GRM1: variants seen among roughly 807,000 people sequenced by gnomAD.
GRM1 encodes metabotropic glutamate receptor 1.
GRM1 carries 33 observed loss-of-function variants against 90.9 expected under a neutral mutation model. The observed-to-expected ratio is 0.36, with a 90% confidence interval of 0.28 to 0.49. The LOEUF (loss-of-function observed/expected upper bound fraction) is 0.49. Ranked by LOEUF, GRM1 falls within the 20% of genes least tolerant of loss-of-function variation. The pLI is 0.99. For synonymous variants in GRM1, 700 were observed against 613.2 expected, an observed-to-expected ratio of 1.14 and a Z score of -2.09; for missense variants, 1,190 against 1,534.3, an observed-to-expected ratio of 0.78 and a Z score of 3.75.
chr6:146,097,042 T>C (rs1776897193), intron 1 of GRM1, among the ~76,000 whole-genome samples: 1 of 152,074 alleles, frequency 6.6e-6, no homozygotes, highest in Non-Finnish European at 1.5e-5. Context: ...AATAAAAGAT[T>C]TGGGTTAAAA....
At chr6:146,423,465 ATTTT>A (rs3065806) in intron 7 of GRM1, among the ~76,000 whole-genome samples, 1 of 145,256 alleles carries the variant, frequency 6.9e-6, no homozygotes, top group Non-Finnish European at 1.5e-5. Flanking sequence ...GAGATGCTCT[ATTTT>A]TTTTTTTTTT....
intron 1 of GRM1, among the ~76,000 whole-genome samples, chr6:146,138,275 T>C (rs1776702783): frequency 6.6e-6 from 1 of 152,204 alleles, no homozygotes; most frequent in African/African-American, 2.4e-5. Flanking sequence ...CCCATCAGTA[T>C]GATACTAGAT....
intron 1 of GRM1, among the ~76,000 whole-genome samples, chr6:146,079,968 C>T (rs1776308787): frequency 1.3e-5 from 2 of 152,168 alleles, no homozygotes. Flanking sequence ...GAAAATGGGG[C>T]TTGGAAGGCT....
chr6:146,328,492 T>A (rs1784474401), intron 3 of GRM1, among the ~76,000 whole-genome samples: 1 of 152,206 alleles, frequency 6.6e-6, no homozygotes, highest in Admixed American at 6.5e-5. Flanking sequence ...ATGTAAGCAA[T>A]GTGCCAATGT....
intron 1 of GRM1, among the ~76,000 whole-genome samples, chr6:146,082,857 C>T (rs1379027001): frequency 1.3e-5 from 2 of 152,178 alleles, no homozygotes; most frequent in African/African-American, 4.8e-5. Context: ...ACTGATTCTT[C>T]CTATCCATGA....
Position 146,371,777 on chromosome 6 carries a change from T to G in GRM1, c.1602+14083T>G, listed in dbSNP as rs192432031. ...TAATAATCTCAAGTTCCATCCATGT[T>G]GTTGCAAATGACTGGATCTCATTCT... On this transcript the variant is annotated intron_variant, in intron 5 of 7. Transcript: ENST00000282753. Among the ~76,000 whole-genome samples the G allele has an allele frequency of 2.0e-5, 3 of 152,234 alleles. No homozygotes were observed. The East Asian group carries it at 5.8e-4, about 29-fold the overall frequency.
intron 2 of GRM1, among the ~76,000 whole-genome samples, chr6:146,255,650 T>G (rs760670965): frequency 1.3e-5 from 2 of 152,126 alleles, no homozygotes; most frequent in Admixed American, 1.3e-4. Flanking sequence ...CCTCTTTCAT[T>G]TTCTTCTTCA....
In GRM1 at chr6:146,044,097, G is replaced by C. The variant is rs9497448; in HGVS notation, c.700+13880G>C. ...GCCATTTCCTTCTTAGTGCATTCTG[G>C]GACCTGCCATGAGGCTGTGTTTGGA... On this transcript the variant is annotated intron_variant, in intron 1 of 7. Transcript: ENST00000282753. 3.5e-3 allele frequency among the ~76,000 whole-genome samples: 539 copies of C among 151,842 alleles called. 3 individuals are homozygous for C. Among genetic ancestry groups the C allele is most frequent in the African/African-American group, 0.012 (518 of 41,458 alleles).
At chr6:146,410,597 A>AG (rs1489295151) in intron 7 of GRM1, among the ~76,000 whole-genome samples, 1 of 152,102 alleles carries the variant, frequency 6.6e-6, no homozygotes, top group Middle Eastern at 3.2e-3. Flanking sequence ...AGGCACCTAG[A>AG]GGGCCTCTAG....
At chr6:146,402,329 C>T (rs896062663) in intron 7 of GRM1, among the ~76,000 whole-genome samples, 2 of 152,114 alleles carry the variant, frequency 1.3e-5, no homozygotes, top group Admixed American at 1.3e-4. Flanking sequence ...ACTCATTTTT[C>T]TCATTTGTTC....
intron 2 of GRM1, among the ~76,000 whole-genome samples, chr6:146,189,422 G>A (rs1414279530): frequency 6.6e-6 from 1 of 152,086 alleles, no homozygotes; most frequent in Non-Finnish European, 1.5e-5. Context: ...TTCTAAATAT[G>A]AGCCTAATGC....
intron 1 of GRM1, among the ~76,000 whole-genome samples, chr6:146,131,816 T>C (rs1776408332): frequency 6.6e-6 from 1 of 152,192 alleles, no homozygotes; most frequent in Non-Finnish European, 1.5e-5. Flanking sequence ...TCCATGGTTA[T>C]ATATTTATCT....
chr6:146,430,923 A>C (rs145275488), intron 7 of GRM1, among the ~76,000 whole-genome samples: 60 of 152,380 alleles, frequency 3.9e-4, no homozygotes, highest in African/African-American at 1.4e-3. Flanking sequence ...ACAGCAGTGC[A>C]TTGTCTACAA....
intron 1 of GRM1, among the ~76,000 whole-genome samples, chr6:146,041,125 T>C (rs753457009): frequency 2.0e-5 from 3 of 152,040 alleles, no homozygotes; most frequent in Non-Finnish European, 4.4e-5. Context: ...ATCTCTTTGT[T>C]AAATTTCTCT....
chr6:146,170,031 T>G (rs535966267), intron 2 of GRM1, among the ~76,000 whole-genome samples: 1 of 152,318 alleles, frequency 6.6e-6, no homozygotes, highest in Admixed American at 6.5e-5. Flanking sequence ...AAAATATTTT[T>G]GCTGGATATA....
chr6:146,030,395 G>A (rs1005772229), intron 1 of GRM1, among the ~76,000 whole-genome samples, 178 bp downstream of exon 1: 2 of 152,222 alleles, frequency 1.3e-5, no homozygotes, highest in African/African-American at 4.8e-5. Context: ...CAATTATAGT[G>A]TAGGAAAATT....
intron 2 of GRM1, among the ~76,000 whole-genome samples, chr6:146,284,802 A>T (rs1424793274): frequency 1.3e-5 from 2 of 152,212 alleles, no homozygotes; most frequent in Non-Finnish European, 2.9e-5. Context: ...TGAGTCAATT[A>T]AACCTCTTTT....
At chr6:146,267,843 A>G (rs1781977457) in intron 2 of GRM1, among the ~76,000 whole-genome samples, 2 of 152,192 alleles carry the variant, frequency 1.3e-5, no homozygotes, top group South Asian at 4.1e-4. Flanking sequence ...TGCCTTCCCC[A>G]GCCCACTGAC....
At chr6:146,210,604 G>C (rs1779656600) in intron 2 of GRM1, among the ~76,000 whole-genome samples, 1 of 152,056 alleles carries the variant, frequency 6.6e-6, no homozygotes, top group Admixed American at 6.6e-5. Flanking sequence ...GAGGTAGGTG[G>C]AAGAGGGAGG....
Sources: allele counts gnomAD v4.1 joint callset (sites outside exome capture counted in the v4.1 genomes callset), GRCh38; gene constraint gnomAD v4.1.1; transcripts MANE v1.5; gene names NCBI Gene and HGNC (gene_info 2026-07-23, HGNC 2026-07-21).